Variants in FADS2 observed in about 807,000 individuals in gnomAD.
FADS2 encodes fatty acid desaturase 2, also known as acyl-CoA 6-desaturase.
In FADS2, 18 loss-of-function variants were observed where a neutral mutation model predicts 61.2. That is an observed-to-expected ratio of 0.29 (90% confidence interval 0.20 to 0.44). The LOEUF is 0.44. FADS2 is among the 20% of genes least tolerant of loss of function. FADS2 has a pLI of 1.00. For synonymous variants in FADS2, 203 were observed against 223.9 expected (o/e 0.91, Z 0.83); for missense variants, 322 against 572.7 (o/e 0.56, Z 4.47).
Position 61,866,097 on chromosome 11 carries a change from T to G in FADS2, c.*408T>G. On this transcript the variant is annotated 3_prime_UTR_variant, in exon 12 of 12. Transcript: ENST00000278840. ...TAGGCATCACCCCCGCTTTGGTTCT[T>G]CAGATGCTCTTGGGGTTCATAGGGG... 1 of 403,908 alleles carries G rather than the reference T, an allele frequency of 2.5e-6. No homozygotes were observed. The highest frequency in any genetic ancestry group is 4.4e-6 in the Non-Finnish European group (1 of 229,560). The allele number at this position is 403,908 out of a possible 1,614,324, so 25.0% of individuals were successfully genotyped here.
chr11:61,836,080 A>C (rs1174780104), intron 1 of FADS2, among the ~76,000 whole-genome samples: 1 of 152,102 alleles, frequency 6.6e-6, no homozygotes, highest in Non-Finnish European at 1.5e-5. Flanking sequence ...AAAGAATTGC[A>C]GGATGTTGTT....
At chr11:61,834,899 A>G (rs1367637070) in intron 1 of FADS2, among the ~76,000 whole-genome samples, 1 of 150,216 alleles carries the variant, frequency 6.7e-6, no homozygotes, top group East Asian at 2.0e-4. Flanking sequence ...GGGACTGATC[A>G]CCCCACCCAG....
intron 7 of FADS2, among the ~76,000 whole-genome samples, chr11:61,861,348 C>A: frequency 1.1e-4 from 1 of 8,906 alleles, no homozygotes; most frequent in Non-Finnish European, 3.6e-4. Flanking sequence ...AGCGAGACTC[C>A]CTCTCAAAAA....
intron 6 of FADS2, 132 bp from the exon 7 acceptor site, chr11:61,857,322 G>T: frequency 1.2e-6 from 1 of 855,410 alleles, no homozygotes; most frequent in East Asian, 2.5e-5. Flanking sequence ...TGCAGGCCCC[G>T]GGGTCCCTGG....
At chr11:61,830,186 T>A (rs2067117310) in intron 1 of FADS2, among the ~76,000 whole-genome samples, 1 of 152,244 alleles carries the variant, frequency 6.6e-6, no homozygotes, top group Non-Finnish European at 1.5e-5. Flanking sequence ...CACTATATGT[T>A]GCTGGACTTG....
intron 5 of FADS2, among the ~76,000 whole-genome samples, chr11:61,852,475 G>A (rs947418732): frequency 6.6e-6 from 1 of 152,076 alleles, no homozygotes. Context: ...TGGCCAGGCT[G>A]GTCTCGAACT....
At chr11:61,849,565 G>C (rs2135968533) in intron 5 of FADS2, among the ~76,000 whole-genome samples, 1 of 151,730 alleles carries the variant, frequency 6.6e-6, no homozygotes, top group Non-Finnish European at 1.5e-5. Context: ...CTCCAGCCTG[G>C]GTAACAGAGC....
intron 1 of FADS2, among the ~76,000 whole-genome samples, chr11:61,834,009 G>A (rs1180946013): frequency 2.0e-5 from 3 of 152,234 alleles, no homozygotes; most frequent in South Asian, 4.1e-4. Flanking sequence ...AAGTGGGTAC[G>A]TCACGCAGTC....
chr11:61,862,254 A>G (rs1228634545), intron 7 of FADS2: 4 of 152,336 alleles, frequency 2.6e-5, no homozygotes, highest in African/African-American at 9.7e-5. Flanking sequence ...TCTGGTTGCC[A>G]TGGCCACGAG....
intron 5 of FADS2, among the ~76,000 whole-genome samples, chr11:61,849,543 C>G (rs115588270): frequency 0.076 from 11,591 of 151,596 alleles, 705 homozygotes; most frequent in African/African-American, 0.15. Context: ...GAGCTATGAT[C>G]ACACCACTGC....
upstream of FADS2, among the ~76,000 whole-genome samples, chr11:61,825,474 C>T (rs566308729): frequency 1.1e-4 from 16 of 151,956 alleles, no homozygotes; most frequent in African/African-American, 3.1e-4. Flanking sequence ...AAAAATTAGC[C>T]GGGCATGGTG....
chr11:61,867,264 G>C lies in FADS2; in HGVS notation c.*1575G>C, dbSNP rs1054475840. ...TATGCCCCCGACCCCCGCAGAGGCA[G>C]AATGAACCCATAGGGAGCTGATCGT... On this transcript the variant is annotated 3_prime_UTR_variant, in exon 12 of 12. Coordinates refer to ENST00000278840, the MANE Select transcript of FADS2 (RefSeq NM_004265.4). 6.6e-6 allele frequency: 1 copy of C among 152,082 alleles called. No individual in the cohort carries two copies. The highest frequency in any genetic ancestry group is 2.4e-5 in the African/African-American group (1 of 41,372). The allele number at this position is 152,082 out of a possible 1,614,324, so 9.4% of individuals were successfully genotyped here.
At chr11:61,856,646 G>A in intron 5 of FADS2, 1 of 249,568 alleles carries the variant, frequency 4.0e-6, no homozygotes, top group Non-Finnish European at 7.6e-6. Flanking sequence ...TTTAGTGCCT[G>A]TCACATGGGC....
chr11:61,841,761 C>T (rs1053225829), intron 4 of FADS2, among the ~76,000 whole-genome samples: 10 of 151,940 alleles, frequency 6.6e-5, no homozygotes, highest in African/African-American at 9.7e-5. Flanking sequence ...TGGAAATAAG[C>T]GGGGTACAAA....
At chr11:61,855,357 C>G (rs767664885) in intron 5 of FADS2, 1 of 152,270 alleles carries the variant, frequency 6.6e-6, no homozygotes, top group Admixed American at 6.5e-5. Flanking sequence ...GACTCAGGGG[C>G]CTGTTCTGTG....
At chr11:61,836,844 G>GTTCA (rs2067178672) in intron 1 of FADS2, among the ~76,000 whole-genome samples, 1 of 152,218 alleles carries the variant, frequency 6.6e-6, no homozygotes, top group Non-Finnish European at 1.5e-5. Context: ...AGCTTGATTT[G>GTTCA]ATGCAGATTA....
intron 7 of FADS2, chr11:61,862,763 A>T (rs895202845): frequency 3.4e-6 from 2 of 583,256 alleles, no homozygotes; most frequent in Non-Finnish European, 6.1e-6. Context: ...TCACTTCCTG[A>T]TGCTAAAACA....
intron 5 of FADS2, 74 bp downstream of exon 5, chr11:61,848,358 A>T (rs947445499): frequency 1.2e-4 from 194 of 1,598,876 alleles, no homozygotes; most frequent in Non-Finnish European, 1.5e-4. Flanking sequence ...AGGTACAACT[A>T]AGGAGATGGT....
intron 1 of FADS2, among the ~76,000 whole-genome samples, chr11:61,834,619 G>A (rs1471349121): frequency 6.6e-6 from 1 of 152,210 alleles, no homozygotes; most frequent in East Asian, 1.9e-4. Flanking sequence ...TGGGGAGGCA[G>A]CAGGAGTGGA....
Sources: allele counts gnomAD v4.1 joint callset (sites outside exome capture counted in the v4.1 genomes callset), GRCh38; gene constraint gnomAD v4.1.1; transcripts MANE v1.5; gene names NCBI Gene and HGNC (gene_info 2026-07-23, HGNC 2026-07-21).